The following COPG2 variants were observed in gnomAD, a reference collection of about 807,000 sequenced individuals.
The protein encoded by COPG2 is coat protein complex I subunit gamma 2, also known as coatomer subunit gamma-2.
A neutral mutation model predicts 46.3 loss-of-function variants in COPG2; 37 were observed. The ratio of observed to expected loss-of-function variants is 0.80; its 90% confidence interval spans 0.61 to 1.05. The LOEUF (loss-of-function observed/expected upper bound fraction) is 1.05, where lower values mean the gene tolerates loss of function less well. Ranked by LOEUF, COPG2 falls within the 50% of genes least tolerant of loss-of-function variation. The pLI, the probability that COPG2 is intolerant of heterozygous loss-of-function variation, is 0.00. For synonymous variants in COPG2, 159 were observed against 129.7 expected (o/e 1.23, Z -1.53); for missense variants, 427 against 387.8 (o/e 1.10, Z -0.85).
chr7:130,588,252 T>C (rs1361835408), intron 9 of COPG2, among the ~76,000 whole-genome samples: 1 of 151,826 alleles, frequency 6.6e-6, no homozygotes, highest in Admixed American at 6.6e-5. Flanking sequence ...TCCTCAGGGA[T>C]CTAGAATTAG....
chr7:130,599,037 A>C (rs1554450046), intron 9 of COPG2, among the ~76,000 whole-genome samples: 1 of 152,106 alleles, frequency 6.6e-6, no homozygotes, highest in African/African-American at 2.4e-5. Flanking sequence ...CTGATGACCC[A>C]CCCTTGGGAC....
chr7:130,544,951 T>G (rs1024364564), intron 20 of COPG2, among the ~76,000 whole-genome samples: 2 of 152,112 alleles, frequency 1.3e-5, no homozygotes, highest in African/African-American at 2.4e-5. Flanking sequence ...GGGTAGATTT[T>G]TATACATTTA....
intron 20 of COPG2, among the ~76,000 whole-genome samples, chr7:130,520,927 GAT>G (rs1244115140): frequency 1.3e-5 from 2 of 152,102 alleles, no homozygotes; most frequent in African/African-American, 4.8e-5. Context: ...ATGAACTGAT[GAT>G]ATGTTAAATA....
intron 20 of COPG2, among the ~76,000 whole-genome samples, chr7:130,523,659 G>A (rs1799747320): frequency 6.6e-6 from 1 of 152,208 alleles, no homozygotes. Flanking sequence ...GGTTTCCAAC[G>A]CCTCGGTCCC....
At chr7:130,509,955 G>A (rs1554440818) in intron 20 of COPG2, 1 of 471,434 alleles carries the variant, frequency 2.1e-6, no homozygotes, top group Non-Finnish European at 4.3e-6. Context: ...CAGGCAAAAG[G>A]AAAGAGGCCA....
chr7:130,559,515 C>T (rs1268759037), intron 12 of COPG2, among the ~76,000 whole-genome samples: 1 of 152,088 alleles, frequency 6.6e-6, no homozygotes, highest in African/African-American at 2.4e-5. Flanking sequence ...CTACTGGAGC[C>T]CAAAGACTGA....
intron 5 of COPG2, among the ~76,000 whole-genome samples, chr7:130,632,761 ATACTTT>A (rs1795255453): frequency 6.6e-6 from 1 of 151,962 alleles, no homozygotes; most frequent in African/African-American, 2.4e-5. Flanking sequence ...TATTATTATT[ATACTTT>A]AAGTTCTGGG....
chr7:130,620,487 C>T (rs1197395085), intron 5 of COPG2, among the ~76,000 whole-genome samples: 1 of 152,114 alleles, frequency 6.6e-6, no homozygotes, highest in Non-Finnish European at 1.5e-5. Flanking sequence ...ACCCTTGAAA[C>T]CTAAAAGTTT....
Position 130,506,540 on chromosome 7 carries a change from G to C in COPG2, c.*136C>G. ...AGATAGACATTTGCTTGATCTGCTG[G>C]CTCAGGGCCAAATGTTTAATTTGCT... On this transcript the variant is annotated 3_prime_UTR_variant, in exon 24 of 24. Coordinates refer to ENST00000425248, the MANE Select transcript of COPG2 (RefSeq NM_012133.6). 1 of 494,032 alleles carries C rather than the reference G, an allele frequency of 2.0e-6. No individual in the cohort carries two copies. 30.6% of individuals were successfully genotyped at this position (494,032 alleles called of 1,614,324 possible).
At chr7:130,553,708 T>C (rs1793570943) in intron 14 of COPG2, among the ~76,000 whole-genome samples, 1 of 152,108 alleles carries the variant, frequency 6.6e-6, no homozygotes, top group Non-Finnish European at 1.5e-5. Context: ...AATGTAGATG[T>C]TGAGAAGTCA....
chr7:130,558,888 A>T (rs1380574982), intron 12 of COPG2, among the ~76,000 whole-genome samples: 2 of 152,196 alleles, frequency 1.3e-5, no homozygotes, highest in African/African-American at 4.8e-5. Flanking sequence ...GAATCTGTTT[A>T]TAGCATATAT....
chr7:130,667,560 T>G, intron 1 of COPG2, 26 bp from the exon 2 acceptor site: 1 of 1,597,176 alleles, frequency 6.3e-7, no homozygotes, highest in African/African-American at 1.3e-5. Flanking sequence ...AACAAAAAAA[T>G]GTCCTGAACA....
intron 9 of COPG2, chr7:130,609,986 G>A (rs1392474080): frequency 4.2e-6 from 2 of 474,940 alleles, no homozygotes; most frequent in Admixed American, 2.4e-5. Flanking sequence ...CTTTAGAGAA[G>A]TTGTTTAAAA....
rs372798164 is a variant in COPG2, at chr7:130,608,390, CT to C, written c.737+2562del. 57 of 223,672 alleles carry C rather than the reference CT, an allele frequency of 2.5e-4. 1 individual carries two copies. The highest frequency in any genetic ancestry group is 1.3e-3 in the Middle Eastern group (1 of 772). The allele number at this position is 223,672 out of a possible 1,614,324, so 13.9% of individuals were successfully genotyped here. A position where few individuals can be genotyped will look rare whatever the true frequency, so the allele number is the denominator to read the frequency against. ...CTTTTAATTTACCTACACATTTACC[CT>C]TTCTCTTGTCCTTCATTCCTCCTGA... On this transcript the variant is annotated intron_variant, in intron 9 of 23. Coordinates refer to ENST00000425248, the MANE Select transcript of COPG2 (RefSeq NM_012133.6).
At chr7:130,634,006 G>A (rs2342443) in intron 5 of COPG2, among the ~76,000 whole-genome samples, 54 of 152,178 alleles carry the variant, frequency 3.5e-4, no homozygotes, top group Non-Finnish European at 6.8e-4. Context: ...TTTTTGTCAG[G>A]TTTGTCAAAG....
At chr7:130,601,846 G>A (rs1349345663) in intron 9 of COPG2, among the ~76,000 whole-genome samples, 3 of 148,752 alleles carry the variant, frequency 2.0e-5, no homozygotes, top group Admixed American at 6.8e-5. Context: ...AAGGAAGGAG[G>A]GAAGGAAGGA....
At chr7:130,593,146 A>C (rs1244366581) in intron 9 of COPG2, among the ~76,000 whole-genome samples, 2 of 152,280 alleles carry the variant, frequency 1.3e-5, no homozygotes, top group East Asian at 3.8e-4. Flanking sequence ...AAAACTGGAC[A>C]TCAGGTCAGG....
chr7:130,613,359 A>T (rs1341652253), intron 7 of COPG2, among the ~76,000 whole-genome samples, 185 bp downstream of exon 7: 1 of 152,220 alleles, frequency 6.6e-6, no homozygotes, highest in Non-Finnish European at 1.5e-5. Context: ...CAGGTCACAG[A>T]CCAGTACTGG....
At chr7:130,605,102 CT>C (rs1794704324) in intron 9 of COPG2, 1 of 478,298 alleles carries the variant, frequency 2.1e-6, no homozygotes, top group African/African-American at 2.0e-5. Context: ...TGTTAGGCCA[CT>C]TGATCTTATC....
Sources: gnomAD v4.1 joint callset for allele counts (sites outside exome capture counted in the v4.1 genomes callset) on GRCh38, gnomAD v4.1.1 for gene constraint, MANE v1.5 for transcripts, NCBI Gene and HGNC (gene_info 2026-07-23, HGNC 2026-07-21) for gene names.